SPOCK3: variants seen among roughly 807,000 people sequenced by gnomAD.
The protein encoded by SPOCK3 is testican-3.
SPOCK3 carries 30 observed loss-of-function variants against 56.6 expected under a neutral mutation model. The observed-to-expected ratio is 0.53, with a 90% CI of 0.40 to 0.72. The LOEUF is 0.72. Ranked by LOEUF, SPOCK3 falls within the 30% of genes least tolerant of loss-of-function variation. The pLI, the probability that SPOCK3 is intolerant of heterozygous loss-of-function variation, is 0.00. For synonymous variants in SPOCK3, 196 were observed against 183.3 expected (o/e 1.07, Z -0.56); for missense variants, 527 against 530.0 (o/e 0.99, Z 0.06).
At chr4:167,232,023 G>A (rs1737226694) in intron 2 of SPOCK3, among the ~76,000 whole-genome samples, 1 of 149,234 alleles carries the variant, frequency 6.7e-6, no homozygotes, top group Admixed American at 6.7e-5. Context: ...AATTTTGATG[G>A]ACTTTTTCCT....
At chr4:167,227,021 AT>A (rs1216625600) in intron 2 of SPOCK3, among the ~76,000 whole-genome samples, 1 of 152,206 alleles carries the variant, frequency 6.6e-6, no homozygotes, top group Admixed American at 6.5e-5. Flanking sequence ...ATAACCATTA[AT>A]TGAAGTTCAG....
intron 4 of SPOCK3, among the ~76,000 whole-genome samples, chr4:166,939,539 T>C (rs1028488938): frequency 2.0e-5 from 3 of 152,158 alleles, no homozygotes; most frequent in Admixed American, 6.5e-5. Context: ...AGGAAATCCA[T>C]AGTTCTATGC....
At chr4:167,080,722 C>T (rs1036968967) in intron 2 of SPOCK3, among the ~76,000 whole-genome samples, 1 of 151,716 alleles carries the variant, frequency 6.6e-6, no homozygotes, top group South Asian at 2.1e-4. Context: ...TCTACCTACC[C>T]GAGATAGAAA....
chr4:167,061,510 G>C (rs1251498266), intron 3 of SPOCK3, among the ~76,000 whole-genome samples: 1 of 151,940 alleles, frequency 6.6e-6, no homozygotes, highest in Non-Finnish European at 1.5e-5. Flanking sequence ...TAATACCAAT[G>C]TTGATGATGG....
chr4:166,882,161 C>T (rs1254887579), intron 6 of SPOCK3, among the ~76,000 whole-genome samples: 1 of 152,094 alleles, frequency 6.6e-6, no homozygotes, highest in Non-Finnish European at 1.5e-5. Flanking sequence ...GTGTAAAGCA[C>T]ACTTAAGCTA....
chr4:166,786,563 G>A (rs778265597), intron 7 of SPOCK3, among the ~76,000 whole-genome samples: 1 of 152,070 alleles, frequency 6.6e-6, no homozygotes, highest in Non-Finnish European at 1.5e-5. Flanking sequence ...TAACACAACT[G>A]GGAAATTAAA....
At chr4:166,888,938 G>A (rs1295394577) in intron 6 of SPOCK3, among the ~76,000 whole-genome samples, 192 bp downstream of exon 6, 1 of 151,780 alleles carries the variant, frequency 6.6e-6, no homozygotes, top group East Asian at 1.9e-4. Context: ...AAAATAAATA[G>A]AAATCTAAAG....
chr4:166,987,468 G>A (rs1261827270), intron 4 of SPOCK3, among the ~76,000 whole-genome samples: 2 of 152,038 alleles, frequency 1.3e-5, no homozygotes, highest in Non-Finnish European at 2.9e-5. Context: ...TTTACTGTCT[G>A]TCTTCCACTC....
intron 4 of SPOCK3, among the ~76,000 whole-genome samples, chr4:166,984,762 A>G (rs185437365): frequency 1.6e-4 from 24 of 152,256 alleles, no homozygotes; most frequent in Admixed American, 1.6e-3. Context: ...TTAGCCTCTT[A>G]GCAGCAATGT....
chr4:167,160,381 G>A (rs1381741106), intron 2 of SPOCK3, among the ~76,000 whole-genome samples: 1 of 151,926 alleles, frequency 6.6e-6, no homozygotes, highest in African/African-American at 2.4e-5. Context: ...ACTGCTCAAT[G>A]AAATAAAAGA....
At chr4:167,109,592 A>G (rs948617871) in intron 2 of SPOCK3, among the ~76,000 whole-genome samples, 10 of 137,770 alleles carry the variant, frequency 7.3e-5, no homozygotes, top group African/African-American at 2.7e-4. Flanking sequence ...TTATATATAT[A>G]TATAGTATGT....
rs571662216 is a variant in SPOCK3 at position 166,978,083 on chromosome 4, A to T, written c.350+22266T>A. On this transcript the variant is annotated intron_variant, in intron 4 of 10. Transcript: ENST00000357545. Reference sequence around the variant, plus strand: ...TTAAGGGGTTCTGATTTAGTCTGCCATTAAGTATATCATAACCATGTTTTC... The same window carrying T: ...TTAAGGGGTTCTGATTTAGTCTGCCTTTAAGTATATCATAACCATGTTTTC... Among the ~76,000 whole-genome samples the T allele has an allele frequency of 3.3e-5, 5 of 152,320 alleles. No individual in the cohort carries two copies. In the East Asian group the frequency reaches 7.7e-4, roughly 24 times the overall value.
At chr4:166,980,549 C>T (rs576001278) in intron 4 of SPOCK3, among the ~76,000 whole-genome samples, 151 of 152,320 alleles carry the variant, frequency 9.9e-4, no homozygotes, top group Non-Finnish European at 1.6e-3. Flanking sequence ...TGCTAGCAGC[C>T]AAGATCCCAC....
rs904664735 is a variant in SPOCK3, at chr4:166,953,270, C to T, written c.351-40527G>A. Among the ~76,000 whole-genome samples, 157 of 152,176 alleles carry T rather than the reference C, an allele frequency of 1.0e-3. 1 individual carries two copies. Among genetic ancestry groups the T allele is most frequent in the African/African-American group, 3.0e-3 (126 of 41,514 alleles). ...ACAAACAACCCCATCAAAAAGTGGG[C>T]GAAGGACATGAACAGATACTTCTCA... is the stretch of plus-strand genomic sequence containing the variant. On this transcript the variant is annotated intron_variant, in intron 4 of 10. Coordinates refer to ENST00000357545, the MANE Select transcript of SPOCK3 (RefSeq NM_001040159.2).
At chr4:167,058,084 G>A (rs1047334737) in intron 3 of SPOCK3, among the ~76,000 whole-genome samples, 3 of 152,218 alleles carry the variant, frequency 2.0e-5, no homozygotes, top group African/African-American at 7.2e-5. Flanking sequence ...TTAACAAACT[G>A]TCTCTCAGAC....
intron 6 of SPOCK3, among the ~76,000 whole-genome samples, chr4:166,803,673 A>G (rs1742854408): frequency 6.6e-6 from 1 of 152,176 alleles, no homozygotes; most frequent in African/African-American, 2.4e-5. Context: ...ATTTGAATCA[A>G]TATATTTGTG....
chr4:166,970,239 T>C (rs1291093606), intron 4 of SPOCK3, among the ~76,000 whole-genome samples: 5 of 152,142 alleles, frequency 3.3e-5, no homozygotes, highest in Admixed American at 3.3e-4. Context: ...TCTTTTTTGG[T>C]CATTTATTAG....
intron 4 of SPOCK3, 30 bp from the exon 5 acceptor site, chr4:166,912,773 G>T: frequency 6.4e-7 from 1 of 1,561,382 alleles, no homozygotes; most frequent in East Asian, 2.3e-5. Flanking sequence ...AGCATATTGA[G>T]CATATTTATT....
intron 10 of SPOCK3, among the ~76,000 whole-genome samples, chr4:166,735,719 C>T (rs1734153497): frequency 6.6e-6 from 1 of 151,866 alleles, no homozygotes; most frequent in African/African-American, 2.4e-5. Context: ...ATGAGAGCTA[C>T]CTCTAAGAGG....
Sources: allele counts gnomAD v4.1 joint callset (sites outside exome capture counted in the v4.1 genomes callset), GRCh38; gene constraint gnomAD v4.1.1; transcripts MANE v1.5; gene names NCBI Gene and HGNC (gene_info 2026-07-23, HGNC 2026-07-21).